TAX1BP1: variants seen among roughly 807,000 people sequenced by gnomAD.
TAX1BP1 encodes the protein Tax1 binding protein 1, also known as tax1-binding protein 1.
Under a neutral mutation model 97.7 loss-of-function variants are expected in TAX1BP1, and 62 were observed. The observed-to-expected ratio is 0.63, with a 90% CI of 0.52 to 0.78. The LOEUF (loss-of-function observed/expected upper bound fraction) is 0.78. TAX1BP1 is among the 30% of genes least tolerant of loss of function. TAX1BP1 has a pLI of 0.00. For missense variants in TAX1BP1, 867 were observed against 916.1 expected, an observed-to-expected ratio of 0.95 and a Z score of 0.69; for synonymous variants, 340 against 304.2, an observed-to-expected ratio of 1.12 and a Z score of -1.23.
chr7:27,806,445 G>A (rs1375365580), intron 13 of TAX1BP1, among the ~76,000 whole-genome samples: 1 of 151,874 alleles, frequency 6.6e-6, no homozygotes, highest in African/African-American at 2.4e-5. Context: ...TATCACAGAA[G>A]GAATGCATCT....
chr7:27,741,514 T>C (rs568324470), intron 1 of TAX1BP1, among the ~76,000 whole-genome samples: 1 of 151,844 alleles, frequency 6.6e-6, no homozygotes, highest in Non-Finnish European at 1.5e-5. Flanking sequence ...TTTTTTTTTT[T>C]CCTTGAGATG....
At chr7:27,751,031 A>G (rs1390550677) in intron 2 of TAX1BP1, among the ~76,000 whole-genome samples, 1 of 152,182 alleles carries the variant, frequency 6.6e-6, no homozygotes, top group Non-Finnish European at 1.5e-5. Context: ...GAATAATGCC[A>G]AGACCAAATA....
chr7:27,824,652 C>G (rs1445793108), intron 15 of TAX1BP1, among the ~76,000 whole-genome samples: 1 of 151,146 alleles, frequency 6.6e-6, no homozygotes, highest in Non-Finnish European at 1.5e-5. Flanking sequence ...ATATCCTGAG[C>G]AGATAATGAG....
At chr7:27,801,218 G>T (rs1583391574) in intron 13 of TAX1BP1, among the ~76,000 whole-genome samples, 1 of 144,984 alleles carries the variant, frequency 6.9e-6, no homozygotes, top group South Asian at 2.1e-4. Context: ...TATATTTTAA[G>T]AAATGTATGT....
chr7:27,781,464 G>A lies in TAX1BP1; in HGVS notation c.613-3699G>A, dbSNP rs571283231. ...ATACTGTAGGCAGTTGTAACACATG[G>A]TAAATATTTGTGTATCTAAACATAT... On this transcript the variant is annotated intron_variant, in intron 5 of 16. Transcript: ENST00000396319. 2.0e-3 allele frequency among the ~76,000 whole-genome samples: 309 copies of A among 152,190 alleles called. 1 individual carries two copies. Among genetic ancestry groups the A allele is most frequent in the African/African-American group, 7.2e-3 (300 of 41,518 alleles).
intron 13 of TAX1BP1, among the ~76,000 whole-genome samples, chr7:27,810,890 A>T (rs948030633): frequency 1.3e-5 from 2 of 152,014 alleles, no homozygotes; most frequent in Non-Finnish European, 2.9e-5. Context: ...AATGCTCTTC[A>T]TCTGCTTGGT....
chr7:27,816,593 A>G (rs1790778265), intron 14 of TAX1BP1, 73 bp downstream of exon 14: 1 of 1,294,522 alleles, frequency 7.7e-7, no homozygotes, highest in Non-Finnish European at 1.0e-6. Context: ...TTCATGGATT[A>G]GCAAACTGCT....
chr7:27,741,124 G>A (rs1436162683), intron 1 of TAX1BP1, among the ~76,000 whole-genome samples: 16 of 152,204 alleles, frequency 1.1e-4, no homozygotes, highest in Non-Finnish European at 2.1e-4. Flanking sequence ...TCACACAGTG[G>A]TTATGAATTG....
intron 3 of TAX1BP1, chr7:27,758,379 G>A: frequency 4.0e-6 from 1 of 249,508 alleles, no homozygotes; most frequent in Non-Finnish European, 7.7e-6. Flanking sequence ...TTTCTTTTTA[G>A]GTACTAATTT....
intron 5 of TAX1BP1, among the ~76,000 whole-genome samples, chr7:27,775,448 T>C (rs957892604): frequency 1.3e-5 from 2 of 152,188 alleles, no homozygotes; most frequent in East Asian, 1.9e-4. Flanking sequence ...GGAACTTAAG[T>C]CAAATGGAGT....
chr7:27,822,956 A>C (rs780634413), intron 15 of TAX1BP1, among the ~76,000 whole-genome samples: 9 of 152,124 alleles, frequency 5.9e-5, no homozygotes, highest in Non-Finnish European at 1.3e-4. Context: ...TTAATTTTTG[A>C]ATATGGAGCA....
intron 13 of TAX1BP1, among the ~76,000 whole-genome samples, chr7:27,812,726 CA>C (rs1465376340): frequency 1.3e-5 from 2 of 152,084 alleles, no homozygotes; most frequent in East Asian, 3.9e-4. Context: ...TTGAAAAGAC[CA>C]TCCTTTTCCT....
chr7:27,752,861 T>C (rs796346340), intron 2 of TAX1BP1, among the ~76,000 whole-genome samples: 2 of 152,340 alleles, frequency 1.3e-5, no homozygotes, highest in South Asian at 2.1e-4. Context: ...CTTATGTAAA[T>C]TGGCATTCAA....
chr7:27,753,988 T>C (rs890001008), intron 2 of TAX1BP1, among the ~76,000 whole-genome samples: 9 of 152,332 alleles, frequency 5.9e-5, no homozygotes, highest in South Asian at 2.1e-4. Flanking sequence ...GATACTGTTC[T>C]AATTGGAATT....
intron 4 of TAX1BP1, among the ~76,000 whole-genome samples, chr7:27,766,504 C>CT (rs939028855): frequency 8.0e-6 from 1 of 124,796 alleles, no homozygotes; most frequent in African/African-American, 3.0e-5. Flanking sequence ...TTTAGAGTGT[C>CT]TTTTTTTGAA....
intron 7 of TAX1BP1, among the ~76,000 whole-genome samples, chr7:27,786,904 G>C (rs6944913): frequency 2.6e-5 from 4 of 152,058 alleles, no homozygotes; most frequent in Non-Finnish European, 5.9e-5. Context: ...GCAATAGCGA[G>C]AGTCATGGGA....
intron 5 of TAX1BP1, among the ~76,000 whole-genome samples, chr7:27,777,472 G>T (rs1212135370): frequency 6.6e-6 from 1 of 152,068 alleles, no homozygotes; most frequent in Non-Finnish European, 1.5e-5. Context: ...ACTCTGGCTG[G>T]TAGGAATAAC....
intron 15 of TAX1BP1, among the ~76,000 whole-genome samples, chr7:27,826,671 T>C (rs527339131): frequency 2.0e-4 from 31 of 152,354 alleles, no homozygotes; most frequent in African/African-American, 7.5e-4. Context: ...TGGCTGTTGA[T>C]GTAGCACGTA....
At chr7:27,775,600 G>C (rs1789001986) in intron 5 of TAX1BP1, among the ~76,000 whole-genome samples, 1 of 152,160 alleles carries the variant, frequency 6.6e-6, no homozygotes, top group East Asian at 1.9e-4. Flanking sequence ...TTTGAAGGCA[G>C]AAGTGAAGCA....
Sources: gnomAD v4.1 joint callset for allele counts (sites outside exome capture counted in the v4.1 genomes callset) on GRCh38, gnomAD v4.1.1 for gene constraint, MANE v1.5 for transcripts, NCBI Gene and HGNC (gene_info 2026-07-23, HGNC 2026-07-21) for gene names.